The following SNX13 variants were observed in gnomAD, a reference collection of about 807,000 sequenced individuals.
The protein encoded by SNX13 is sorting nexin-13.
In SNX13, 45 loss-of-function variants were observed where a neutral mutation model predicts 133.6. The ratio of observed to expected loss-of-function variants is 0.34; its 90% CI spans 0.27 to 0.43. SNX13 has a LOEUF of 0.43. Among genes scored for constraint, SNX13 ranks in the 20% least tolerant of loss-of-function variants. SNX13 has a pLI of 1.00. For missense variants in SNX13, 1,032 were observed against 1,145.1 expected, an observed-to-expected ratio of 0.90 and a Z score of 1.43; for synonymous variants, 414 against 373.9, an observed-to-expected ratio of 1.11 and a Z score of -1.24.
intron 11 of SNX13, among the ~76,000 whole-genome samples, chr7:17,847,144 G>T (rs1405432238): frequency 1.3e-5 from 2 of 152,030 alleles, no homozygotes; most frequent in Non-Finnish European, 2.9e-5. Context: ...AGTAGTTAAA[G>T]AAAAGCACAA....
chr7:17,864,442 A>T (rs1793114752), intron 9 of SNX13, among the ~76,000 whole-genome samples: 1 of 152,190 alleles, frequency 6.6e-6, no homozygotes, highest in Non-Finnish European at 1.5e-5. Flanking sequence ...CCGAGCTAAG[A>T]CAGGCTATAC....
At chr7:17,912,105 G>A (rs1799044672) in intron 1 of SNX13, among the ~76,000 whole-genome samples, 1 of 152,170 alleles carries the variant, frequency 6.6e-6, no homozygotes, top group South Asian at 2.1e-4. Context: ...TTTAATTCAA[G>A]AAAGAAAACA....
intron 1 of SNX13, among the ~76,000 whole-genome samples, chr7:17,916,145 C>A (rs1261446752): frequency 5.3e-5 from 8 of 152,114 alleles, no homozygotes; most frequent in Non-Finnish European, 8.8e-5. Flanking sequence ...GCGACAAACA[C>A]AGTGTTAAGA....
chr7:17,798,512 A>G (rs1784290736), intron 24 of SNX13, among the ~76,000 whole-genome samples, 178 bp downstream of exon 24: 1 of 151,890 alleles, frequency 6.6e-6, no homozygotes, highest in Admixed American at 6.6e-5. Context: ...AAAGAAACAA[A>G]GATCAATAGG....
chr7:17,902,373 G>A (rs1433203495), intron 1 of SNX13, among the ~76,000 whole-genome samples: 1 of 151,198 alleles, frequency 6.6e-6, no homozygotes, highest in African/African-American at 2.4e-5. Flanking sequence ...TAATTTGCTT[G>A]GTAGTTAATC....
chr7:17,940,461 G>C lies in SNX13; in HGVS notation c.-166C>G, dbSNP rs1020317903. 1 of 768,528 alleles carries C rather than the reference G, an allele frequency of 1.3e-6. No homozygotes were observed. Among genetic ancestry groups the C allele is most frequent in the Non-Finnish European group, 2.2e-6 (1 of 445,006 alleles). 47.6% of individuals were successfully genotyped at this position (768,528 alleles called of 1,614,324 possible). On this transcript the variant is annotated 5_prime_UTR_variant, in exon 1 of 26. Coordinates refer to ENST00000428135, the MANE Select transcript of SNX13 (RefSeq NM_015132.5). ...TCGCTGGCCTCCCCTCGGCCCGGTC[G>C]CTCGCGACGGACGCGCCGCCATCTT...
At chr7:17,860,303 C>T (rs947512345) in intron 9 of SNX13, among the ~76,000 whole-genome samples, 1 of 152,112 alleles carries the variant, frequency 6.6e-6, no homozygotes, top group Admixed American at 6.6e-5. Flanking sequence ...TGTGGAGATA[C>T]ACTATTTTGC....
At chr7:17,831,455 G>T in intron 15 of SNX13, 1 of 945,166 alleles carries the variant, frequency 1.1e-6, no homozygotes, top group Non-Finnish European at 1.3e-6. Flanking sequence ...AGGAAGAAAT[G>T]AGGAGAAAAG....
Position 17,791,623 on chromosome 7 carries a change from G to C in SNX13, c.*2422C>G, listed in dbSNP as rs577835441. 11 of 151,974 alleles carry C rather than the reference G, an allele frequency of 7.2e-5. No homozygotes were observed. Among genetic ancestry groups the C allele is most frequent in the African/African-American group, 2.7e-4 (11 of 41,486 alleles). The allele number at this position is 151,974 out of a possible 1,614,324, so 9.4% of individuals were successfully genotyped here. ...TAATTTCGAAAGTTCTTGCCTAAAG[G>C]CACCACTGACTTAAAAAACATTCAA... is the stretch of plus-strand genomic sequence containing the variant. On this transcript the variant is annotated 3_prime_UTR_variant, in exon 26 of 26. Transcript: ENST00000428135.
intron 5 of SNX13, chr7:17,880,630 G>A (rs17138358): frequency 6.6e-6 from 1 of 151,880 alleles, no homozygotes; most frequent in Non-Finnish European, 1.5e-5. Context: ...AGATGTAATA[G>A]AGCCTAGTCT....
chr7:17,797,660 T>C (rs891396196), intron 24 of SNX13, among the ~76,000 whole-genome samples: 23 of 151,764 alleles, frequency 1.5e-4, no homozygotes, highest in Admixed American at 1.5e-3. Context: ...TAAGTCAGAC[T>C]CCCTGGACAT....
At chr7:17,873,065 T>C (rs1794295847) in intron 8 of SNX13, among the ~76,000 whole-genome samples, 1 of 152,196 alleles carries the variant, frequency 6.6e-6, no homozygotes, top group Admixed American at 6.5e-5. Flanking sequence ...CACTAGGGTA[T>C]AAGAAAATTT....
At position 17,800,378 on chromosome 7, in the gene SNX13, A is replaced by G. The variant is rs577080922; in HGVS notation, c.2298+1210T>C. 5.3e-5 allele frequency among the ~76,000 whole-genome samples: 8 copies of G among 151,884 alleles called. No homozygotes were observed. In the East Asian group the frequency reaches 1.5e-3, roughly 29 times the overall value. Reference sequence around the variant, plus strand: ...ATAGAACAGAATAAAACAGATCCAAACATATATGGTAACCTGATTTGTGAT... The same window carrying G: ...ATAGAACAGAATAAAACAGATCCAAGCATATATGGTAACCTGATTTGTGAT... On this transcript the variant is annotated intron_variant, in intron 22 of 25. Coordinates refer to ENST00000428135, the MANE Select transcript of SNX13 (RefSeq NM_015132.5).
chr7:17,798,880 G>A (rs951930315), intron 23 of SNX13, 122 bp from the exon 24 acceptor site: 19 of 1,227,518 alleles, frequency 1.5e-5, no homozygotes, highest in Non-Finnish European at 1.9e-5. Context: ...GCAACAGACT[G>A]CTTTAATGAT....
chr7:17,898,835 A>G (rs1797506346), intron 1 of SNX13: 1 of 152,144 alleles, frequency 6.6e-6, no homozygotes. Context: ...ACCTTCTTTT[A>G]CGTCCCTCAG....
At chr7:17,883,349 G>A (rs1365486961) in intron 5 of SNX13, among the ~76,000 whole-genome samples, 2 of 152,088 alleles carry the variant, frequency 1.3e-5, no homozygotes, top group African/African-American at 2.4e-5. Flanking sequence ...ATAACATGGG[G>A]CTAAGTGCAC....
intron 9 of SNX13, among the ~76,000 whole-genome samples, chr7:17,864,243 T>C (rs1793091429): frequency 1.3e-5 from 2 of 151,980 alleles, no homozygotes; most frequent in African/African-American, 4.8e-5. Context: ...AGACATGAAA[T>C]ACAAAAGAGC....
intron 13 of SNX13, among the ~76,000 whole-genome samples, chr7:17,837,064 T>C (rs1283605128): frequency 6.6e-6 from 1 of 152,012 alleles, no homozygotes; most frequent in Non-Finnish European, 1.5e-5. Flanking sequence ...TTAGCTCTGC[T>C]CTTTTCAAGC....
chr7:17,805,234 T>TGC (rs1785073162), intron 20 of SNX13, among the ~76,000 whole-genome samples: 1 of 112,456 alleles, frequency 8.9e-6, no homozygotes, highest in Non-Finnish European at 2.0e-5. Flanking sequence ...TGTGTGTGTG[T>TGC]GTGTGTGTGT....
Sources: allele counts gnomAD v4.1 joint callset (sites outside exome capture counted in the v4.1 genomes callset), GRCh38; gene constraint gnomAD v4.1.1; transcripts MANE v1.5; gene names NCBI Gene and HGNC (gene_info 2026-07-23, HGNC 2026-07-21).